Variants in KANSL1 observed in about 807,000 individuals in gnomAD.
KANSL1 encodes MLL1/MLL complex subunit KANSL1.
KANSL1 carries 22 observed loss-of-function variants against 103.6 expected under a neutral mutation model. The observed-to-expected ratio is 0.21, with a 90% CI of 0.15 to 0.30. KANSL1 has a LOEUF of 0.30. Among genes scored for constraint, KANSL1 ranks in the 10% least tolerant of loss-of-function variants. The pLI is 1.00. For synonymous variants in KANSL1, 600 were observed against 527.6 expected, an observed-to-expected ratio of 1.14 and a Z score of -1.88; for missense variants, 1,337 against 1,399.8, an observed-to-expected ratio of 0.96 and a Z score of 0.72.
In KANSL1 at chr17:46,187,060, C is replaced by T. The variant is rs117291568; in HGVS notation, c.-90+5763G>A. On this transcript the variant is annotated intron_variant, in intron 1 of 14. Transcript: ENST00000432791. ...GCTGGTATTTCTATGAAGTGTCTCT[C>T]CTATACTAGAAACCAGAAACTAGCT... Among the ~76,000 whole-genome samples, 106 of 152,184 alleles carry T rather than the reference C, an allele frequency of 7.0e-4. 1 individual carries two copies. In the East Asian group the frequency reaches 0.019, roughly 27 times the overall value.
intron 6 of KANSL1, among the ~76,000 whole-genome samples, chr17:46,057,854 T>C (rs2077988598): frequency 6.6e-6 from 1 of 152,194 alleles, no homozygotes; most frequent in Admixed American, 6.5e-5. Flanking sequence ...AAGAAAACAG[T>C]GACACCACAG....
At chr17:46,098,936 A>G (rs1430694128) in intron 2 of KANSL1, among the ~76,000 whole-genome samples, 4 of 152,238 alleles carry the variant, frequency 2.6e-5, no homozygotes, top group African/African-American at 9.6e-5. Flanking sequence ...ACAAGTCTGG[A>G]TAAGATATGA....
chr17:46,064,538 G>T (rs2078303324), intron 6 of KANSL1, among the ~76,000 whole-genome samples: 1 of 151,854 alleles, frequency 6.6e-6, no homozygotes, highest in Admixed American at 6.6e-5. Flanking sequence ...ACCAATGTCT[G>T]CAACAACCCC....
chr17:46,190,641 CCATAATATAGA>C (rs1293645170), intron 1 of KANSL1, among the ~76,000 whole-genome samples: 1 of 152,212 alleles, frequency 6.6e-6, no homozygotes, highest in East Asian at 1.9e-4. Context: ...ACCATCTTCA[CCATAATATAGA>C]CATTAAGAAC....
intron 10 of KANSL1, chr17:46,035,400 G>A (rs1031243152): frequency 2.0e-5 from 3 of 152,174 alleles, no homozygotes; most frequent in African/African-American, 4.8e-5. Context: ...ATCATCTTAG[G>A]ACATTCTCAG....
intron 2 of KANSL1, among the ~76,000 whole-genome samples, chr17:46,103,380 C>A (rs1329970208): frequency 2.0e-5 from 3 of 152,170 alleles, no homozygotes; most frequent in Non-Finnish European, 2.9e-5. Flanking sequence ...AAGCCAATTC[C>A]CAACATCACA....
chr17:46,193,022 G>C lies in KANSL1; in HGVS notation c.-289C>G, dbSNP rs1787872630. The C allele has an allele frequency of 6.5e-6, 1 of 153,244 alleles. No homozygotes were observed. The highest frequency in any genetic ancestry group is 1.4e-5 in the Non-Finnish European group (1 of 69,182). The allele number at this position is 153,244 out of a possible 1,614,324, so 9.5% of individuals were successfully genotyped here. A position where few individuals can be genotyped will look rare whatever the true frequency, so the allele number is the denominator to read the frequency against. On this transcript the variant is annotated 5_prime_UTR_variant, in exon 1 of 15. Coordinates refer to ENST00000432791, the MANE Select transcript of KANSL1 (RefSeq NM_015443.4). ...CCGGGCGGGGGGGCGAGGCAGAGGGGGAGGGGAAGGCGGCGGCGGGGAGCG... is the reference window on the plus strand; with the variant it reads ...CCGGGCGGGGGGGCGAGGCAGAGGGCGAGGGGAAGGCGGCGGCGGGGAGCG...
At chr17:46,104,709 A>T (rs934026677) in intron 2 of KANSL1, among the ~76,000 whole-genome samples, 7 of 152,268 alleles carry the variant, frequency 4.6e-5, no homozygotes, top group African/African-American at 1.7e-4. Flanking sequence ...AAAAAATGGC[A>T]TGACAAAGAA....
chr17:46,105,906 G>GACACACACACAC (rs773000790), intron 2 of KANSL1, among the ~76,000 whole-genome samples: 11 of 95,266 alleles, frequency 1.2e-4, no homozygotes, highest in African/African-American at 3.2e-4. Context: ...GCAAGGCCTT[G>GACACACACACAC]ACACACACAC....
chr17:46,216,525 G>A (rs2048343163), intron 1 of KANSL1, among the ~76,000 whole-genome samples: 1 of 151,194 alleles, frequency 6.6e-6, no homozygotes, highest in Non-Finnish European at 1.5e-5. Flanking sequence ...CTTGAACCCA[G>A]GAGACGGAGG....
chr17:46,193,647 G>T, upstream of KANSL1: 1 of 312,582 alleles, frequency 3.2e-6, no homozygotes, highest in South Asian at 2.2e-5. Flanking sequence ...TCCATCTGCG[G>T]AGGCCGCGGC....
At chr17:46,055,465 CAA>C (rs34767403) in intron 6 of KANSL1, among the ~76,000 whole-genome samples, 14 of 119,982 alleles carry the variant, frequency 1.2e-4, no homozygotes, top group Admixed American at 2.5e-4. Context: ...AACTCCCTCT[CAA>C]AAAAAAAAAA....
intron 4 of KANSL1, among the ~76,000 whole-genome samples, chr17:46,072,751 G>A (rs542045399): frequency 7.2e-5 from 11 of 152,120 alleles, no homozygotes; most frequent in Non-Finnish European, 1.5e-4. Context: ...CTCACTTTCC[G>A]GCTTCTGCAG....
At chr17:46,061,266 T>C (rs2078149419) in intron 6 of KANSL1, among the ~76,000 whole-genome samples, 1 of 152,216 alleles carries the variant, frequency 6.6e-6, no homozygotes, top group South Asian at 2.1e-4. Flanking sequence ...ATTTGTCTTA[T>C]GGTTTAATTA....
intron 2 of KANSL1, among the ~76,000 whole-genome samples, chr17:46,129,367 G>C (rs1232035260): frequency 1.3e-5 from 2 of 152,194 alleles, no homozygotes; most frequent in African/African-American, 4.8e-5. Flanking sequence ...CACTGAACTT[G>C]CAAATTCAAC....
intron 2 of KANSL1, among the ~76,000 whole-genome samples, chr17:46,111,504 C>T (rs2042803561): frequency 6.6e-6 from 1 of 152,110 alleles, no homozygotes; most frequent in South Asian, 2.1e-4. Flanking sequence ...TCCACCGTGC[C>T]CAACCGAAAG....
chr17:46,032,281 G>A lies in KANSL1; in HGVS notation c.2856C>T (p.Asp952=), dbSNP rs1431158114. Reference sequence around the variant, plus strand: ...TGCCCAGCTGGGGGGTTGTCCGGCCGTCTGATGACCTGTAGGACCTGCACA... The same window carrying A: ...TGCCCAGCTGGGGGGTTGTCCGGCCATCTGATGACCTGTAGGACCTGCACA... The part of the protein sequence containing the change: ...RRGSRSYRSS[D]GRTTPQLGSA... Residue 952 remains aspartate, a synonymous_variant, in exon 14 of 15, where the codon GAC becomes GAT. Coordinates refer to ENST00000432791, the MANE Select transcript of KANSL1 (RefSeq NM_015443.4). The A allele has an allele frequency of 2.0e-5, 31 of 1,526,710 alleles. No individual in the cohort carries two copies. Among genetic ancestry groups the A allele is most frequent in the South Asian group, 7.8e-5 (6 of 77,354 alleles). 94.6% of individuals were successfully genotyped at this position (1,526,710 alleles called of 1,614,324 possible). A position where few individuals can be genotyped will look rare whatever the true frequency, so the allele number is the denominator to read the frequency against.
Position 46,030,140 on chromosome 17 carries a change from T to C in KANSL1, c.*1336A>G, listed in dbSNP as rs1455232817. ...TACAAGGTTTTTTTTTTCCATTTTT[T>C]GTTTTTGTTTTTTTTTTCAATGCTA... On this transcript the variant is annotated 3_prime_UTR_variant, in exon 15 of 15. Transcript: ENST00000432791. The C allele has an allele frequency of 6.8e-6, 1 of 147,452 alleles. No homozygotes were observed. Among genetic ancestry groups the C allele is most frequent in the Non-Finnish European group, 1.5e-5 (1 of 64,778 alleles). 9.1% of individuals were successfully genotyped at this position (147,452 alleles called of 1,614,324 possible).
At chr17:46,224,968 C>G (rs1050064326), upstream of KANSL1, 2 of 151,558 alleles carry the variant, frequency 1.3e-5, no homozygotes, top group African/African-American at 2.4e-5. Context: ...CGCGTCGGTC[C>G]GTCCCACCTC....
Sources: allele counts gnomAD v4.1 joint callset (sites outside exome capture counted in the v4.1 genomes callset), GRCh38; gene constraint gnomAD v4.1.1; transcripts MANE v1.5; gene names NCBI Gene and HGNC (gene_info 2026-07-23, HGNC 2026-07-21).